The following LRP1B variants were observed in gnomAD, a reference collection of about 807,000 sequenced individuals.
The protein encoded by LRP1B is low-density lipoprotein receptor-related protein 1B.
In LRP1B, 217 loss-of-function variants were observed where a neutral mutation model predicts 556.6. The ratio of observed to expected loss-of-function variants is 0.39; its 90% CI spans 0.35 to 0.44. The LOEUF is 0.44. LRP1B is among the 20% of genes least tolerant of loss of function. LRP1B has a pLI of 1.00. For missense variants in LRP1B, 5,053 were observed against 5,620.8 expected (o/e 0.90, Z 3.23); for synonymous variants, 2,047 against 1,865.8 (o/e 1.10, Z -2.50).
intron 1 of LRP1B, among the ~76,000 whole-genome samples, chr2:141,922,177 C>A (rs1473901690): frequency 6.6e-6 from 1 of 152,102 alleles, no homozygotes; most frequent in Non-Finnish European, 1.5e-5. Flanking sequence ...ACATATTAGG[C>A]ATGCATGAAA....
chr2:140,883,186 A>G (rs1379297845), intron 25 of LRP1B, among the ~76,000 whole-genome samples: 4 of 152,188 alleles, frequency 2.6e-5, no homozygotes, highest in African/African-American at 9.7e-5. Context: ...CTGGAAATCC[A>G]GTGCCTCTCT....
chr2:141,366,842 T>C (rs1689054667), intron 3 of LRP1B, among the ~76,000 whole-genome samples: 1 of 151,954 alleles, frequency 6.6e-6, no homozygotes, highest in Non-Finnish European at 1.5e-5. Context: ...GTCACTTTTC[T>C]CAATCTCTGT....
intron 41 of LRP1B, among the ~76,000 whole-genome samples, chr2:140,614,259 A>T (rs142045958): frequency 1.3e-3 from 197 of 152,118 alleles, no homozygotes; most frequent in African/African-American, 4.4e-3. Context: ...AATCTATCCA[A>T]ATTTTTATTC....
At chr2:140,405,296 C>A (rs1199867108) in intron 66 of LRP1B, among the ~76,000 whole-genome samples, 1 of 152,096 alleles carries the variant, frequency 6.6e-6, no homozygotes, top group Non-Finnish European at 1.5e-5. Context: ...TAATGTCACA[C>A]CTCAAGGAAC....
chr2:141,136,236 G>A (rs1701489496), intron 7 of LRP1B, among the ~76,000 whole-genome samples: 1 of 151,854 alleles, frequency 6.6e-6, no homozygotes, highest in Non-Finnish European at 1.5e-5. Context: ...GAGTTTCACA[G>A]AGGGTTAACT....
At chr2:140,352,923 T>G in intron 76 of LRP1B, 30 bp downstream of exon 76, 5 of 1,583,998 alleles carry the variant, frequency 3.2e-6, no homozygotes, top group Non-Finnish European at 3.4e-6. Context: ...AAAATTGTAA[T>G]AGGATTTGCA....
chr2:140,622,832 TC>T (rs1683503202), intron 41 of LRP1B, among the ~76,000 whole-genome samples: 1 of 152,178 alleles, frequency 6.6e-6, no homozygotes, highest in South Asian at 2.1e-4. Context: ...TAAACAGGGA[TC>T]AGTTTTTAAG....
chr2:142,115,790 C>G lies in LRP1B; in HGVS notation c.82+14858G>C, dbSNP rs192189043. On this transcript the variant is annotated intron_variant, in intron 1 of 90. Transcript: ENST00000389484. ...TATATCATATATATGTAATATATAT[C>G]ATATATATGTAATATATATCATATA... Among the ~76,000 whole-genome samples, 17 of 5,728 alleles carry G rather than the reference C, an allele frequency of 3.0e-3. 4 individuals are homozygous for G. Among genetic ancestry groups the G allele is most frequent in the South Asian group, 5.7e-3 (1 of 174 alleles). The allele number at this position is 5,728 out of a possible 152,430, so 3.8% of individuals were successfully genotyped here.
intron 1 of LRP1B, among the ~76,000 whole-genome samples, chr2:142,035,684 C>T (rs1703852521): frequency 6.6e-6 from 1 of 151,528 alleles, no homozygotes; most frequent in Non-Finnish European, 1.5e-5. Flanking sequence ...TTTTGTCTTT[C>T]AAATTTCCTT....
intron 7 of LRP1B, among the ~76,000 whole-genome samples, chr2:141,081,086 G>A (rs1699910533): frequency 6.6e-6 from 1 of 152,114 alleles, no homozygotes; most frequent in Non-Finnish European, 1.5e-5. Flanking sequence ...TCCTGTCTTG[G>A]CCTCCCAAAA....
At chr2:141,509,897 A>C (rs1364621961) in intron 2 of LRP1B, among the ~76,000 whole-genome samples, 1 of 152,102 alleles carries the variant, frequency 6.6e-6, no homozygotes, top group East Asian at 1.9e-4. Context: ...TAATATTTTT[A>C]GGACAACTAA....
intron 43 of LRP1B, among the ~76,000 whole-genome samples, chr2:140,592,841 A>G (rs999476945): frequency 3.3e-5 from 5 of 152,008 alleles, no homozygotes; most frequent in Non-Finnish European, 7.4e-5. Context: ...TTAGGAGGCC[A>G]AAGTGGGAGG....
intron 43 of LRP1B, among the ~76,000 whole-genome samples, chr2:140,579,607 C>T (rs917503523): frequency 2.0e-5 from 3 of 152,038 alleles, no homozygotes; most frequent in South Asian, 2.1e-4. Context: ...TTTGGGATGC[C>T]GAGGTGGGCA....
intron 3 of LRP1B, among the ~76,000 whole-genome samples, chr2:141,336,844 G>T (rs1432722473): frequency 6.6e-6 from 1 of 152,110 alleles, no homozygotes; most frequent in Non-Finnish European, 1.5e-5. Flanking sequence ...GATACAGCAT[G>T]CCTTCAGGAG....
At chr2:140,237,505 A>C (rs1174980397) in intron 89 of LRP1B, among the ~76,000 whole-genome samples, 4 of 150,906 alleles carry the variant, frequency 2.7e-5, no homozygotes, top group Admixed American at 6.6e-5. Context: ...CAATTAAAAC[A>C]AAAAACATTA....
chr2:141,863,698 T>G (rs1698321328), intron 1 of LRP1B, among the ~76,000 whole-genome samples: 1 of 152,174 alleles, frequency 6.6e-6, no homozygotes, highest in South Asian at 2.1e-4. Flanking sequence ...TGAAACCAAG[T>G]CTTAGAAAAG....
At chr2:141,748,833 G>C (rs960467807) in intron 2 of LRP1B, among the ~76,000 whole-genome samples, 1 of 152,094 alleles carries the variant, frequency 6.6e-6, no homozygotes, top group African/African-American at 2.4e-5. Context: ...TCTGACTTCT[G>C]GGAATGGAAC....
At chr2:142,018,548 C>T (rs1297463731) in intron 1 of LRP1B, among the ~76,000 whole-genome samples, 1 of 151,818 alleles carries the variant, frequency 6.6e-6, no homozygotes, top group East Asian at 1.9e-4. Context: ...ATTGTATTTA[C>T]AATAATAAAA....
intron 58 of LRP1B, among the ~76,000 whole-genome samples, chr2:140,486,277 A>G (rs980941123): frequency 1.3e-5 from 2 of 152,052 alleles, no homozygotes; most frequent in African/African-American, 4.8e-5. Context: ...ATAAAATTTT[A>G]AATGTATCTT....
Sources: gnomAD v4.1 joint callset for allele counts (sites outside exome capture counted in the v4.1 genomes callset) on GRCh38, gnomAD v4.1.1 for gene constraint, MANE v1.5 for transcripts, NCBI Gene and HGNC (gene_info 2026-07-23, HGNC 2026-07-21) for gene names.